The following RGS22 variants were observed in gnomAD, a reference collection of about 807,000 sequenced individuals.
RGS22 encodes regulator of G protein signaling 22, also known as regulator of G-protein signaling 22.
In RGS22, 148 loss-of-function variants were observed where a neutral mutation model predicts 172.9. The observed-to-expected ratio is 0.86, with a 90% confidence interval of 0.75 to 0.98. The LOEUF (loss-of-function observed/expected upper bound fraction) is 0.98. Ranked by LOEUF, RGS22 falls within the 50% of genes least tolerant of loss-of-function variation. The pLI, the probability that RGS22 is intolerant of heterozygous loss-of-function variation, is 0.00. For missense variants in RGS22, 1,347 were observed against 1,440.8 expected, an observed-to-expected ratio of 0.93 and a Z score of 1.05; for synonymous variants, 458 against 480.2, an observed-to-expected ratio of 0.95 and a Z score of 0.60.
At chr8:100,007,515 A>G (rs1275626614) in intron 15 of RGS22, among the ~76,000 whole-genome samples, 5 of 152,192 alleles carry the variant, frequency 3.3e-5, no homozygotes, top group Admixed American at 6.6e-5. Context: ...TAGAAGTACC[A>G]AAGTCAGAGG....
chr8:99,999,384 G>A lies in RGS22; in HGVS notation c.2827C>T (p.His943Tyr), dbSNP rs3133711. The A allele has an allele frequency of 8.0e-3, 12,906 of 1,613,878 alleles. 587 individuals are homozygous for A. In the East Asian group the frequency reaches 0.13, roughly 16 times the overall value. Residue 943 changes from histidine (H) to tyrosine (Y), a missense_variant, in exon 19 of 28, where the codon CAT becomes TAT. By Grantham distance (83) the His-to-Tyr change is moderately conservative. Transcript: ENST00000360863. ...HLSGGWGKILHEQLDAPVLVE... is the reference protein window; with the variant it reads ...HLSGGWGKILYEQLDAPVLVE... Reference sequence around the variant, plus strand: ...AGAACAGGTGCATCAAGCTGCTCATGAAGAATCTTCCCCCAGCCACCACTT... The same window carrying A: ...AGAACAGGTGCATCAAGCTGCTCATAAAGAATCTTCCCCCAGCCACCACTT...
intron 3 of RGS22, among the ~76,000 whole-genome samples, chr8:100,082,901 G>C (rs750798086): frequency 6.6e-6 from 1 of 152,144 alleles, no homozygotes; most frequent in African/African-American, 2.4e-5. Context: ...TGGTGTATGT[G>C]GGTAACTCTA....
chr8:100,059,046 T>G (rs539506879), intron 9 of RGS22, among the ~76,000 whole-genome samples: 1 of 152,296 alleles, frequency 6.6e-6, no homozygotes, highest in South Asian at 2.1e-4. Context: ...TTTGCTTGTG[T>G]GTTTATGCAG....
rs780032732 is a variant in RGS22, at chr8:100,063,469, T to A, written c.1299A>T (p.Leu433=). 6.2e-7 allele frequency: 1 copy of A among 1,613,088 alleles called. No individual in the cohort carries two copies. Among genetic ancestry groups the A allele is most frequent in the Non-Finnish European group, 8.5e-7 (1 of 1,179,244 alleles). Residue 433 remains leucine, a synonymous_variant, in exon 8 of 28, where the codon CTA becomes CTT. Transcript: ENST00000360863. ...KGTLGERYWW[L]WMDIERLKVL... is the part of the protein sequence containing the mutation. Reference sequence around the variant, plus strand: ...CTTTTAACCTCTCAATATCCATCCATAGCCACCAATATCTCTCTCCCAATG... The same window carrying A: ...CTTTTAACCTCTCAATATCCATCCAAAGCCACCAATATCTCTCTCCCAATG...
chr8:100,028,524 A>G (rs776269260), intron 14 of RGS22, among the ~76,000 whole-genome samples: 5 of 152,236 alleles, frequency 3.3e-5, no homozygotes, highest in African/African-American at 4.8e-5. Context: ...AAAGAAAGAA[A>G]ACAACATATC....
At chr8:100,009,279 G>A (rs754401411) in intron 14 of RGS22, among the ~76,000 whole-genome samples, 2 of 151,998 alleles carry the variant, frequency 1.3e-5, no homozygotes, top group African/African-American at 2.4e-5. Context: ...TTAGCCAGGC[G>A]TGATGGTGCA....
chr8:100,046,783 CAA>C (rs1160676328), intron 11 of RGS22, among the ~76,000 whole-genome samples: 1 of 151,582 alleles, frequency 6.6e-6, no homozygotes, highest in Admixed American at 6.6e-5. Context: ...TTACGAGAGT[CAA>C]AGACACTGGT....
chr8:99,987,244 C>A (rs2131244599), intron 21 of RGS22, among the ~76,000 whole-genome samples: 1 of 152,228 alleles, frequency 6.6e-6, no homozygotes, highest in Middle Eastern at 3.4e-3. Context: ...CCTGTGTTAT[C>A]ATTCCAGGGC....
chr8:100,050,579 AT>A (rs1821173115), intron 10 of RGS22, among the ~76,000 whole-genome samples: 1 of 152,214 alleles, frequency 6.6e-6, no homozygotes, highest in South Asian at 2.1e-4. Context: ...GTATGTGACT[AT>A]ATGGCCAATA....
chr8:99,994,222 T>C (rs1156706134), intron 20 of RGS22, among the ~76,000 whole-genome samples: 1 of 152,170 alleles, frequency 6.6e-6, no homozygotes, highest in African/African-American at 2.4e-5. Flanking sequence ...GGATGCCCTC[T>C]CTCACCACTC....
At chr8:100,006,837 C>T (rs1445384112) in intron 15 of RGS22, among the ~76,000 whole-genome samples, 1 of 152,134 alleles carries the variant, frequency 6.6e-6, no homozygotes, top group Non-Finnish European at 1.5e-5. Context: ...TTTCCTCCTA[C>T]TAAAAACTGT....
At chr8:99,971,156 G>A (rs1811296872) in intron 23 of RGS22, among the ~76,000 whole-genome samples, 2 of 152,066 alleles carry the variant, frequency 1.3e-5, no homozygotes, top group Non-Finnish European at 2.9e-5. Context: ...ATGCAGAAAA[G>A]GCCCTTGATA....
Position 99,987,519 on chromosome 8 carries a change from G to A in RGS22, c.3119C>T (p.Ala1040Val). The A allele has an allele frequency of 6.2e-7, 1 of 1,611,620 alleles. No homozygotes were observed. Among genetic ancestry groups the A allele is most frequent in the Non-Finnish European group, 8.5e-7 (1 of 1,178,708 alleles). Residue 1040 changes from alanine (A) to valine (V), a missense_variant, in exon 21 of 28, where the codon GCT (alanine) becomes GTT (valine). Transcript: ENST00000360863. ...VTSRQFQRFV[A>V]LKGDLLENGL... ...ATTTTCCAATAAATCTCCTTTTAGA[G>A]CCACAAAACGTTGAAATTGTCTTGA...
chr8:100,052,623 C>A (rs1425614791), intron 10 of RGS22, among the ~76,000 whole-genome samples, 179 bp downstream of exon 10: 1 of 152,086 alleles, frequency 6.6e-6, no homozygotes, highest in Non-Finnish European at 1.5e-5. Flanking sequence ...TTTAAAGGCT[C>A]ACTTTGGCTG....
intron 7 of RGS22, among the ~76,000 whole-genome samples, chr8:100,064,749 G>A (rs1289557626): frequency 6.6e-6 from 1 of 152,170 alleles, no homozygotes; most frequent in Non-Finnish European, 1.5e-5. Context: ...ATGATTATAT[G>A]TGCTTTGATA....
chr8:100,025,021 T>TAAAC (rs1272384661), intron 14 of RGS22, among the ~76,000 whole-genome samples: 38 of 151,548 alleles, frequency 2.5e-4, no homozygotes, highest in African/African-American at 8.5e-4. Flanking sequence ...AATAAATAAA[T>TAAAC]AAATAAATAA....
At chr8:99,975,139 C>G (rs1056752888) in intron 23 of RGS22, among the ~76,000 whole-genome samples, 2 of 150,626 alleles carry the variant, frequency 1.3e-5, no homozygotes, top group South Asian at 4.2e-4. Flanking sequence ...GAGTGAGACT[C>G]CATCTCAAAA....
intron 6 of RGS22, among the ~76,000 whole-genome samples, chr8:100,067,458 G>A (rs936042453): frequency 3.2e-4 from 49 of 151,970 alleles, no homozygotes; most frequent in African/African-American, 1.2e-3. Flanking sequence ...AGCCTAAGCA[G>A]GAGGCCAAAA....
intron 20 of RGS22, among the ~76,000 whole-genome samples, chr8:99,992,006 C>A (rs138274819): frequency 0.011 from 1,675 of 152,238 alleles, 27 homozygotes; most frequent in African/African-American, 0.037. Context: ...ATTTCATATC[C>A]AGCCAAACTA....
Sources: allele counts gnomAD v4.1 joint callset (sites outside exome capture counted in the v4.1 genomes callset), GRCh38; gene constraint gnomAD v4.1.1; transcripts MANE v1.5; gene names NCBI Gene and HGNC (gene_info 2026-07-23, HGNC 2026-07-21).